The following AFF1 variants were observed in gnomAD, a reference collection of about 807,000 sequenced individuals.
AFF1 encodes the protein AF4/FMR2 family member 1.
In AFF1, 48 loss-of-function variants were observed where a neutral mutation model predicts 121.7. The ratio of observed to expected loss-of-function variants is 0.39; its 90% CI spans 0.31 to 0.50. The LOEUF is 0.50. Ranked by LOEUF, AFF1 falls within the 20% of genes least tolerant of loss-of-function variation. The pLI is 0.76. For missense variants in AFF1, 1,523 were observed against 1,511.7 expected, an observed-to-expected ratio of 1.01 and a Z score of -0.12; for synonymous variants, 613 against 563.0, an observed-to-expected ratio of 1.09 and a Z score of -1.26.
intron 19 of AFF1, 149 bp downstream of exon 19, chr4:87,132,557 T>C: frequency 1.5e-6 from 1 of 649,818 alleles, no homozygotes; most frequent in East Asian, 3.3e-5. Context: ...CTCCTAAATT[T>C]AAATTATTAG....
At chr4:86,989,530 T>C (rs967955937) in intron 2 of AFF1, among the ~76,000 whole-genome samples, 1 of 152,122 alleles carries the variant, frequency 6.6e-6, no homozygotes, top group Admixed American at 6.6e-5. Context: ...GGAAACAACA[T>C]GCTGGAGAGG....
intron 4 of AFF1, chr4:87,047,860 A>G (rs897908217): frequency 1.9e-6 from 1 of 535,164 alleles, no homozygotes; most frequent in Non-Finnish European, 3.4e-6. Context: ...AAACATAGAG[A>G]TCATAAGAGT....
intron 1 of AFF1, among the ~76,000 whole-genome samples, chr4:86,942,842 A>C (rs1720566147): frequency 6.6e-6 from 1 of 152,270 alleles, no homozygotes; most frequent in Non-Finnish European, 1.5e-5. Flanking sequence ...AAAAAGTCAG[A>C]GTTCCTGATG....
chr4:87,055,207 A>T (rs1471251), intron 4 of AFF1, among the ~76,000 whole-genome samples: 60,342 of 152,014 alleles, frequency 0.4, 12,052 homozygotes, highest in African/African-American at 0.44. Flanking sequence ...TGGCAATCTT[A>T]TGAAGAAACA....
chr4:87,100,332 A>G lies in AFF1; in HGVS notation c.1284-5296A>G, dbSNP rs1479833572. On this transcript the variant is annotated intron_variant, in intron 8 of 20. Transcript: ENST00000395146. ...GGGCCTCCAAGAACCTCCATAACCTATCCCCTACCACGGCCTGTCCCTGAC... is the reference window on the plus strand; with the variant it reads ...GGGCCTCCAAGAACCTCCATAACCTGTCCCCTACCACGGCCTGTCCCTGAC... 3.3e-5 allele frequency among the ~76,000 whole-genome samples: 5 copies of G among 152,110 alleles called. No homozygotes were observed. In the South Asian group the frequency reaches 1.0e-3, roughly 32 times the overall value.
chr4:86,985,921 A>G (rs1029931445), intron 2 of AFF1, among the ~76,000 whole-genome samples: 1 of 85,842 alleles, frequency 1.2e-5, no homozygotes, highest in Non-Finnish European at 3.5e-5. Flanking sequence ...CTGAATAAGC[A>G]AAGATTACCA....
At chr4:87,088,800 G>A (rs1357844045) in intron 5 of AFF1, among the ~76,000 whole-genome samples, 2 of 146,316 alleles carry the variant, frequency 1.4e-5, no homozygotes, top group Non-Finnish European at 3.0e-5. Context: ...TTTTTGAGAC[G>A]GAGTTTCATT....
intron 8 of AFF1, among the ~76,000 whole-genome samples, chr4:87,102,217 T>A (rs1231602093): frequency 3.3e-5 from 5 of 152,218 alleles, no homozygotes; most frequent in Non-Finnish European, 7.3e-5. Context: ...AGTGTCAAAG[T>A]AGGTAATACG....
chr4:87,115,122 T>TC lies in AFF1; in HGVS notation c.2294dup (p.Gln766ThrfsTer31). On this transcript the variant is annotated frameshift_variant, in exon 12 of 21. Coordinates refer to ENST00000395146, the MANE Select transcript of AFF1 (RefSeq NM_001166693.3). LOFTEE classifies it high-confidence loss of function. ...TGCTCTCACCGCTCAGGGACACTCC[T>TC]CCCCCACAAAGCTTGATGGTGAAGA... 6.2e-7 allele frequency: 1 copy of TC among 1,613,670 alleles called. No homozygotes were observed. The highest frequency in any genetic ancestry group is 8.5e-7 in the Non-Finnish European group (1 of 1,179,908).
At chr4:87,089,152 A>G (rs567328113) in intron 5 of AFF1, among the ~76,000 whole-genome samples, 17 of 151,996 alleles carry the variant, frequency 1.1e-4, no homozygotes, top group Non-Finnish European at 2.5e-4. Flanking sequence ...GTTTTTTTCA[A>G]TCTGTAGATG....
rs953236345 is a variant in AFF1, at chr4:87,024,490, G to T, written c.39-21676G>T. 9.9e-5 allele frequency among the ~76,000 whole-genome samples: 15 copies of T among 152,112 alleles called. 1 individual carries two copies. Among genetic ancestry groups the T allele is most frequent in the Non-Finnish European group, 1.5e-5 (1 of 68,008 alleles). On this transcript the variant is annotated intron_variant, in intron 2 of 20. Coordinates refer to ENST00000395146, the MANE Select transcript of AFF1 (RefSeq NM_001166693.3). ...TTTGGAGAGAGATGGTAGGGTATTT[G>T]TAACTTGGGGAACTCCAGCAATATT...
At chr4:87,004,598 G>T (rs1725954690) in intron 2 of AFF1, among the ~76,000 whole-genome samples, 1 of 152,180 alleles carries the variant, frequency 6.6e-6, no homozygotes, top group Non-Finnish European at 1.5e-5. Flanking sequence ...TTGGATTTCA[G>T]ATTTTTTCTG....
chr4:87,043,488 A>G (rs138992949), intron 2 of AFF1, among the ~76,000 whole-genome samples: 1 of 152,358 alleles, frequency 6.6e-6, no homozygotes, highest in Non-Finnish European at 1.5e-5. Flanking sequence ...CTTGGCTTCT[A>G]TGGTTATATG....
At chr4:87,036,855 C>A (rs549522929) in intron 2 of AFF1, 1 of 468,806 alleles carries the variant, frequency 2.1e-6, no homozygotes. Context: ...TTTTTTGAGA[C>A]GGCTTCTTGC....
intron 4 of AFF1, among the ~76,000 whole-genome samples, chr4:87,055,628 T>C (rs1174125174): frequency 6.6e-6 from 1 of 152,190 alleles, no homozygotes; most frequent in Non-Finnish European, 1.5e-5. Context: ...TCATTTTAGC[T>C]CTTCTCTAGA....
At chr4:87,022,720 ATATATG>A (rs1428761507) in intron 2 of AFF1, among the ~76,000 whole-genome samples, 3 of 145,822 alleles carry the variant, frequency 2.1e-5, no homozygotes, top group South Asian at 2.1e-4. Flanking sequence ...ATCTGTGTGT[ATATATG>A]TATATATATC....
chr4:86,985,786 A>C (rs983479099), intron 2 of AFF1, among the ~76,000 whole-genome samples: 1 of 152,062 alleles, frequency 6.6e-6, no homozygotes, highest in Admixed American at 6.6e-5. Context: ...TAATAAAAGA[A>C]TCAAGCATTT....
At chr4:86,952,014 G>A (rs1015297318) in intron 2 of AFF1, among the ~76,000 whole-genome samples, 3 of 150,094 alleles carry the variant, frequency 2.0e-5, no homozygotes, top group African/African-American at 7.4e-5. Context: ...CAAATGCTAT[G>A]TCTAAATTTT....
rs372260385 is a variant in AFF1, at chr4:87,117,532, A to T, written c.2466+2233A>T. Among the ~76,000 whole-genome samples the T allele has an allele frequency of 2.6e-4, 40 of 152,318 alleles. No homozygotes were observed. In the East Asian group the frequency reaches 7.3e-3, roughly 28 times the overall value. On this transcript the variant is annotated intron_variant, in intron 12 of 20. Coordinates refer to ENST00000395146, the MANE Select transcript of AFF1 (RefSeq NM_001166693.3). Reference sequence around the variant, plus strand: ...AATTCCTCTGGTAATCCTAGTGCCTATCAGGGCTGGAAACCACTGAAGCAG... The same window carrying T: ...AATTCCTCTGGTAATCCTAGTGCCTTTCAGGGCTGGAAACCACTGAAGCAG...
Sources: gnomAD v4.1 joint callset for allele counts (sites outside exome capture counted in the v4.1 genomes callset) on GRCh38, gnomAD v4.1.1 for gene constraint, MANE v1.5 for transcripts, NCBI Gene and HGNC (gene_info 2026-07-23, HGNC 2026-07-21) for gene names.